The following USP37 variants were observed in gnomAD, a reference collection of about 807,000 sequenced individuals.
USP37 encodes the protein ubiquitin specific peptidase 37.
Under a neutral mutation model 124.0 loss-of-function variants are expected in USP37, and 27 were observed. The observed-to-expected ratio is 0.22, with a 90% CI of 0.16 to 0.30. The LOEUF is 0.30. Ranked by LOEUF, USP37 falls within the 10% of genes least tolerant of loss-of-function variation. The pLI is 1.00. For synonymous variants in USP37, 365 were observed against 388.0 expected, an observed-to-expected ratio of 0.94 and a Z score of 0.70; for missense variants, 889 against 1,140.4, an observed-to-expected ratio of 0.78 and a Z score of 3.17.
chr2:218,532,338 C>T (rs1209153140), intron 9 of USP37, among the ~76,000 whole-genome samples: 1 of 151,852 alleles, frequency 6.6e-6, no homozygotes, highest in Non-Finnish European at 1.5e-5. Flanking sequence ...TAGTGGTGTG[C>T]GCCTGTAGTC....
intron 14 of USP37, among the ~76,000 whole-genome samples, chr2:218,493,503 C>T (rs921422417): frequency 2.0e-5 from 3 of 152,052 alleles, no homozygotes; most frequent in Non-Finnish European, 4.4e-5. Context: ...TGGAGTCTTG[C>T]TCTGTCACCC....
At chr2:218,480,413 A>AT (rs1559173844) in intron 17 of USP37, among the ~76,000 whole-genome samples, 2 of 151,328 alleles carry the variant, frequency 1.3e-5, no homozygotes, top group Non-Finnish European at 3.0e-5. Flanking sequence ...AAAAAAAAAA[A>AT]AAAAAAAAAA....
At chr2:218,465,614 G>A (rs1364072130) in intron 21 of USP37, among the ~76,000 whole-genome samples, 3 of 152,134 alleles carry the variant, frequency 2.0e-5, no homozygotes, top group Non-Finnish European at 4.4e-5. Context: ...CTGGAGTGCA[G>A]TGGCGTGATC....
chr2:218,475,744 A>T (rs1690934100), intron 19 of USP37, among the ~76,000 whole-genome samples: 1 of 151,876 alleles, frequency 6.6e-6, no homozygotes, highest in Admixed American at 6.6e-5. Context: ...ATAAATAAAT[A>T]AATAAATTAA....
At chr2:218,472,167 G>A (rs1407260161) in intron 20 of USP37, among the ~76,000 whole-genome samples, 1 of 152,056 alleles carries the variant, frequency 6.6e-6, no homozygotes. Context: ...AGCAGCTTAG[G>A]GTTCCCAAAA....
rs535112017 is a variant in USP37 at position 218,549,818 on chromosome 2, T to C, written c.420A>G (p.Ser140=). 1 of 1,612,478 alleles carries C rather than the reference T, an allele frequency of 6.2e-7. No individual in the cohort carries two copies. Among genetic ancestry groups the C allele is most frequent in the South Asian group, 1.1e-5 (1 of 90,926 alleles). The change falls in exon 6 of 26, where the codon TCA becomes TCG. Residue 140 remains serine, a synonymous_variant. Transcript: ENST00000258399. ...ATTCAAATGAACATACCTGATTGTC[T>C]GAGTAAGAAAGCTGCCTGCTGGTTT... ...QKETSRQLSY[S]DNQASAKRGS... is the part of the protein sequence containing the mutation.
intron 21 of USP37, among the ~76,000 whole-genome samples, chr2:218,464,400 G>A (rs777090809): frequency 3.3e-5 from 5 of 152,014 alleles, no homozygotes; most frequent in Non-Finnish European, 7.4e-5. Flanking sequence ...ACCACAGCAG[G>A]TTAATTTTTG....
intron 24 of USP37, among the ~76,000 whole-genome samples, chr2:218,456,564 G>A (rs574690406): frequency 2.6e-5 from 4 of 152,064 alleles, no homozygotes; most frequent in Non-Finnish European, 5.9e-5. Context: ...AATGTATTTT[G>A]TTCAGGGGAA....
At chr2:218,559,202 T>C (rs1693184944) in intron 3 of USP37, among the ~76,000 whole-genome samples, 1 of 152,082 alleles carries the variant, frequency 6.6e-6, no homozygotes, top group Non-Finnish European at 1.5e-5. Context: ...TCTCAGCTTC[T>C]AGAGGGGCTG....
chr2:218,555,905 C>A (rs1045590588), intron 4 of USP37, among the ~76,000 whole-genome samples: 2 of 152,178 alleles, frequency 1.3e-5, no homozygotes, highest in Admixed American at 1.3e-4. Context: ...CTCACACCTC[C>A]CAAATCTTTA....
At chr2:218,550,037 T>C in intron 5 of USP37, 128 bp from the exon 6 acceptor site, 1 of 596,568 alleles carries the variant, frequency 1.7e-6, no homozygotes, top group Non-Finnish European at 2.7e-6. Flanking sequence ...AGAAAACAAA[T>C]CAAAGTGCCT....
At chr2:218,502,830 T>G (rs1689459068) in intron 11 of USP37, among the ~76,000 whole-genome samples, 2 of 152,256 alleles carry the variant, frequency 1.3e-5, no homozygotes, top group South Asian at 4.1e-4. Context: ...CCCAAGGATT[T>G]TACATCCAGC....
intron 10 of USP37, among the ~76,000 whole-genome samples, chr2:218,511,097 T>C (rs1689959188): frequency 6.6e-6 from 1 of 152,164 alleles, no homozygotes; most frequent in Admixed American, 6.5e-5. Flanking sequence ...AACTAACATA[T>C]TCATATAGTT....
chr2:218,555,497 A>T (rs1193562036), intron 4 of USP37, among the ~76,000 whole-genome samples: 1 of 152,254 alleles, frequency 6.6e-6, no homozygotes, highest in Non-Finnish European at 1.5e-5. Context: ...TTAAATAAGC[A>T]GTTTAGTATG....
intron 10 of USP37, among the ~76,000 whole-genome samples, chr2:218,510,665 C>T (rs1260143700): frequency 6.6e-6 from 1 of 152,158 alleles, no homozygotes; most frequent in Non-Finnish European, 1.5e-5. Flanking sequence ...GACCTTCCAT[C>T]GCCTCATATG....
chr2:218,547,122 C>A (rs1246882304), intron 6 of USP37, 31 bp from the exon 7 acceptor site: 3 of 1,561,220 alleles, frequency 1.9e-6, no homozygotes, highest in Non-Finnish European at 1.7e-6. Flanking sequence ...ATAGTTAAAT[C>A]TTCAAATTAA....
At chr2:218,457,302 C>A in intron 23 of USP37, 141 bp from the exon 24 acceptor site, 2 of 742,224 alleles carry the variant, frequency 2.7e-6, no homozygotes, top group South Asian at 2.0e-5. Context: ...TCTGTTCATA[C>A]CCTTTGACCC....
At chr2:218,470,481 A>G (rs1402197448) in intron 20 of USP37, among the ~76,000 whole-genome samples, 1 of 152,194 alleles carries the variant, frequency 6.6e-6, no homozygotes, top group African/African-American at 2.4e-5. Context: ...TCAAACATAA[A>G]TCCTTATCAA....
At position 218,546,994 on chromosome 2, in the gene USP37, C is replaced by T. The variant is rs762890697; in HGVS notation, c.527G>A (p.Gly176Glu). 1.2e-6 allele frequency: 2 copies of T among 1,613,836 alleles called. No individual in the cohort carries two copies. The highest frequency in any genetic ancestry group is 1.7e-5 in the Admixed American group (1 of 59,898). Reference protein sequence around the residue: ...PGRGSIKTVAGSGIARTIPSL... With the variant: ...PGRGSIKTVAESGIARTIPSL... Reference sequence around the variant, plus strand: ...AGGAATCGTCCGAGCTATTCCACTTCCTGCTACAGTCTTAATCGATCCTCT... The same window carrying T: ...AGGAATCGTCCGAGCTATTCCACTTTCTGCTACAGTCTTAATCGATCCTCT... The change falls in exon 7 of 26, where the codon GGA becomes GAA. Residue 176 changes from glycine to glutamate, a missense_variant. Coordinates refer to ENST00000258399, the MANE Select transcript of USP37 (RefSeq NM_020935.3).
Sources: gnomAD v4.1 joint callset for allele counts (sites outside exome capture counted in the v4.1 genomes callset) on GRCh38, gnomAD v4.1.1 for gene constraint, MANE v1.5 for transcripts, NCBI Gene and HGNC (gene_info 2026-07-23, HGNC 2026-07-21) for gene names.